DPYD: variants seen among roughly 807,000 people sequenced by gnomAD.
DPYD encodes the protein dihydropyrimidine dehydrogenase [NADP(+)].
DPYD carries 109 observed loss-of-function variants against 116.2 expected under a neutral mutation model. The ratio of observed to expected loss-of-function variants is 0.94; its 90% CI spans 0.80 to 1.10. DPYD has a LOEUF of 1.10. Ranked by LOEUF, DPYD falls within the 50% of genes least tolerant of loss-of-function variation. DPYD has a pLI of 0.00. For missense variants in DPYD, 1,302 were observed against 1,254.5 expected, an observed-to-expected ratio of 1.04 and a Z score of -0.57; for synonymous variants, 440 against 432.0, an observed-to-expected ratio of 1.02 and a Z score of -0.23.
intron 2 of DPYD, among the ~76,000 whole-genome samples, chr1:97,846,735 GT>G (rs1375229415): frequency 1.3e-5 from 2 of 152,192 alleles, no homozygotes; most frequent in African/African-American, 4.8e-5. Flanking sequence ...ACAGTATGAA[GT>G]CTTTACAGGG....
chr1:97,835,731 A>C (rs1357882497), intron 2 of DPYD, among the ~76,000 whole-genome samples: 2 of 152,094 alleles, frequency 1.3e-5, no homozygotes, highest in Non-Finnish European at 2.9e-5. Flanking sequence ...ACACAGTATC[A>C]TTATTTCAAT....
chr1:97,616,540 A>AACTACTTGG (rs1208505777), intron 8 of DPYD, among the ~76,000 whole-genome samples: 1 of 152,146 alleles, frequency 6.6e-6, no homozygotes, highest in African/African-American at 2.4e-5. Context: ...TATTCATGCA[A>AACTACTTGG]ACTACTTGGA....
chr1:97,301,993 G>T (rs1049493061), intron 18 of DPYD, among the ~76,000 whole-genome samples: 5 of 151,928 alleles, frequency 3.3e-5, no homozygotes, highest in Non-Finnish European at 7.4e-5. Flanking sequence ...GTCAAGGATG[G>T]AGTTTATAAT....
chr1:97,728,565 A>G (rs1031503323), intron 4 of DPYD, among the ~76,000 whole-genome samples: 1 of 152,044 alleles, frequency 6.6e-6, no homozygotes, highest in African/African-American at 2.4e-5. Flanking sequence ...CAGCTGGTGG[A>G]TTTATTTTAA....
rs139862912 is a variant in DPYD at position 97,181,635 on chromosome 1, A to G, written c.2622+11434T>C. 9.2e-5 allele frequency among the ~76,000 whole-genome samples: 14 copies of G among 152,258 alleles called. No homozygotes were observed. The East Asian group carries it at 2.7e-3, about 29-fold the overall frequency. On this transcript the variant is annotated intron_variant, in intron 20 of 22. Transcript: ENST00000370192. ...CAATAGGTTAAGGTAACTTCTAAAAACAATTTGTAAGTACCATCTGAAAAA... is the reference window on the plus strand; with the variant it reads ...CAATAGGTTAAGGTAACTTCTAAAAGCAATTTGTAAGTACCATCTGAAAAA...
rs115497576 is a variant in DPYD at position 97,491,817 on chromosome 1, G to A, written c.1740+23909C>T. Among the ~76,000 whole-genome samples the A allele has an allele frequency of 4.1e-3, 626 of 152,026 alleles. 7 individuals are homozygous for A. The highest frequency in any genetic ancestry group is 0.015 in the African/African-American group (609 of 41,488). On this transcript the variant is annotated intron_variant, in intron 13 of 22. Transcript: ENST00000370192. ...GCTATACAAAAAGATTTGATCTTACGGTTTTGCACCATCATATTAAACATG... is the reference window on the plus strand; with the variant it reads ...GCTATACAAAAAGATTTGATCTTACAGTTTTGCACCATCATATTAAACATG...
At chr1:97,556,424 A>C (rs1651718856) in intron 11 of DPYD, among the ~76,000 whole-genome samples, 2 of 149,364 alleles carry the variant, frequency 1.3e-5, no homozygotes, top group Non-Finnish European at 3.0e-5. Context: ...TTACATATGT[A>C]TACATGTGCC....
At position 97,704,611 on chromosome 1, in the gene DPYD, T is replaced by C. The variant is rs1444632320; in HGVS notation, c.484-5064A>G. The stretch of plus-strand genomic sequence containing the variant: ...GCAACATAAAATTACAAACAAATTA[T>C]ACATAAAAGATATTATTAGGTCCAG... On this transcript the variant is annotated intron_variant, in intron 5 of 22. Coordinates refer to ENST00000370192, the MANE Select transcript of DPYD (RefSeq NM_000110.4). Among the ~76,000 whole-genome samples, 5 of 152,020 alleles carry C rather than the reference T, an allele frequency of 3.3e-5. 1 individual carries two copies. The highest frequency in any genetic ancestry group is 9.7e-5 in the African/African-American group (4 of 41,424).
chr1:97,186,562 G>T (rs1038727171), intron 20 of DPYD, among the ~76,000 whole-genome samples: 1 of 152,088 alleles, frequency 6.6e-6, no homozygotes, highest in African/African-American at 2.4e-5. Flanking sequence ...TAAAATAATG[G>T]CCTCCAGAGG....
intron 2 of DPYD, among the ~76,000 whole-genome samples, chr1:97,834,049 T>G (rs746427391): frequency 1.6e-4 from 24 of 152,000 alleles, no homozygotes; most frequent in Non-Finnish European, 2.8e-4. Context: ...GCAACAAATT[T>G]TAGTATCAGG....
chr1:97,356,005 A>G (rs908079490), intron 16 of DPYD, among the ~76,000 whole-genome samples: 1 of 152,124 alleles, frequency 6.6e-6, no homozygotes, highest in African/African-American at 2.4e-5. Flanking sequence ...GGGAACTTTT[A>G]TGATGTTTCC....
intron 8 of DPYD, among the ~76,000 whole-genome samples, chr1:97,605,854 T>C (rs747668181): frequency 1.3e-5 from 2 of 152,046 alleles, no homozygotes; most frequent in African/African-American, 2.4e-5. Flanking sequence ...TATTTTCATA[T>C]GCATACCTTT....
chr1:97,320,252 G>T (rs1420531665), intron 16 of DPYD, among the ~76,000 whole-genome samples: 1 of 144,146 alleles, frequency 6.9e-6, no homozygotes, highest in Non-Finnish European at 1.5e-5. Flanking sequence ...GCAGGAGAAA[G>T]AAATAAAGGG....
intron 20 of DPYD, among the ~76,000 whole-genome samples, chr1:97,143,886 G>A (rs1379132670): frequency 2.0e-5 from 3 of 151,990 alleles, no homozygotes; most frequent in Admixed American, 1.3e-4. Context: ...CATTTGTAAC[G>A]GCTGCTTTTA....
chr1:97,307,404 C>T (rs1177311913), intron 16 of DPYD, among the ~76,000 whole-genome samples: 1 of 151,692 alleles, frequency 6.6e-6, no homozygotes, highest in African/African-American at 2.4e-5. Flanking sequence ...GCATTTTAAC[C>T]TTTCGAATTC....
At chr1:97,410,866 T>C (rs1417070658) in intron 14 of DPYD, among the ~76,000 whole-genome samples, 1 of 152,134 alleles carries the variant, frequency 6.6e-6, no homozygotes, top group Admixed American at 6.6e-5. Flanking sequence ...ATATTAAAAA[T>C]TTTTGTCCTA....
At chr1:97,558,516 G>A (rs1302360998) in intron 11 of DPYD, among the ~76,000 whole-genome samples, 1 of 152,156 alleles carries the variant, frequency 6.6e-6, no homozygotes, top group Non-Finnish European at 1.5e-5. Flanking sequence ...TGGGCACATA[G>A]TGAATTTCTT....
intron 12 of DPYD, among the ~76,000 whole-genome samples, chr1:97,521,790 C>T (rs1648687396): frequency 6.6e-6 from 1 of 151,980 alleles, no homozygotes; most frequent in Admixed American, 6.6e-5. Context: ...ACAAACCTGA[C>T]AAAAACAAGA....
intron 8 of DPYD, among the ~76,000 whole-genome samples, chr1:97,611,018 C>G (rs1296184776): frequency 6.6e-6 from 1 of 151,616 alleles, no homozygotes; most frequent in Non-Finnish European, 1.5e-5. Context: ...TACGTATGTA[C>G]AAACATACAT....
Sources: allele counts gnomAD v4.1 joint callset (sites outside exome capture counted in the v4.1 genomes callset), GRCh38; gene constraint gnomAD v4.1.1; transcripts MANE v1.5; gene names NCBI Gene and HGNC (gene_info 2026-07-23, HGNC 2026-07-21).